Variants in PDE10A observed in about 807,000 individuals in gnomAD.
The protein encoded by PDE10A is phosphodiesterase 10A.
Under a neutral mutation model 97.7 loss-of-function variants are expected in PDE10A, and 39 were observed. The observed-to-expected ratio is 0.40, with a 90% confidence interval of 0.31 to 0.52. The LOEUF (loss-of-function observed/expected upper bound fraction) is 0.52, where lower values mean the gene tolerates loss of function less well. Ranked by LOEUF, PDE10A falls within the 20% of genes least tolerant of loss-of-function variation. PDE10A has a pLI of 0.56. For missense variants in PDE10A, 731 were observed against 1,047.8 expected (o/e 0.70, Z 4.17); for synonymous variants, 371 against 376.8 (o/e 0.98, Z 0.18).
At chr6:165,788,259 T>C (rs1778547303) in intron 1 of PDE10A, among the ~76,000 whole-genome samples, 1 of 151,868 alleles carries the variant, frequency 6.6e-6, no homozygotes, top group African/African-American at 2.4e-5. Flanking sequence ...GGCTCACACC[T>C]ATAATCCCAG....
At chr6:165,413,893 G>A (rs73788373) in intron 12 of PDE10A, among the ~76,000 whole-genome samples, 2 of 152,000 alleles carry the variant, frequency 1.3e-5, no homozygotes, top group Non-Finnish European at 2.9e-5. Flanking sequence ...ATTCTAATCT[G>A]TTGGTTCTTT....
rs372516707 is a variant in PDE10A, at chr6:165,900,030, C to T, written c.-615+87499G>A. The stretch of plus-strand genomic sequence containing the variant: ...AGGAGCCAAGGAGGCCATGAGGCCA[C>T]GGGAGGCAAGCAGGACTCCCACAGG... On this transcript the variant is annotated intron_variant, in intron 1 of 19. Coordinates refer to the PDE10A transcript ENST00000366882. Among the ~76,000 whole-genome samples, 210 of 152,282 alleles carry T rather than the reference C, an allele frequency of 1.4e-3. 2 individuals are homozygous for T. The highest frequency in any genetic ancestry group is 4.8e-3 in the African/African-American group (201 of 41,572).
At chr6:165,588,141 T>TA (rs1313407904) in intron 1 of PDE10A, among the ~76,000 whole-genome samples, 1 of 152,162 alleles carries the variant, frequency 6.6e-6, no homozygotes, top group African/African-American at 2.4e-5. Flanking sequence ...TATATGTCTA[T>TA]ACCTTTCAAA....
At chr6:165,949,711 A>T (rs894286238) in intron 1 of PDE10A, 3 of 152,226 alleles carry the variant, frequency 2.0e-5, no homozygotes, top group African/African-American at 7.2e-5. Flanking sequence ...TGCAGGTTAC[A>T]TAATGAGGTG....
chr6:165,560,262 C>T (rs1488421604), intron 1 of PDE10A, among the ~76,000 whole-genome samples: 4 of 152,128 alleles, frequency 2.6e-5, no homozygotes, highest in Non-Finnish European at 5.9e-5. Context: ...GATGGAGAGC[C>T]ATATGCTAAG....
At chr6:165,478,355 G>A (rs1034415862) in intron 3 of PDE10A, among the ~76,000 whole-genome samples, 1 of 152,086 alleles carries the variant, frequency 6.6e-6, no homozygotes, top group Non-Finnish European at 1.5e-5. Flanking sequence ...TGTCCTCTTA[G>A]CCAAGGGCAT....
Position 165,671,596 on chromosome 6 carries a change from G to C in PDE10A, c.-614-128028C>G, listed in dbSNP as rs557193151. On this transcript the variant is annotated intron_variant, in intron 1 of 19. Coordinates refer to the PDE10A transcript ENST00000366882. This position sits in a 1 kb window ranked among gnomAD's most constrained non-coding sequence, Gnocchi z 4.6. ...AATTAATTCACTTCCATCACTACTC[G>C]TAGAAGCCCTTAGAGGCAGCTTTAA... Among the ~76,000 whole-genome samples the C allele has an allele frequency of 1.3e-5, 2 of 152,074 alleles. No individual in the cohort carries two copies. The highest frequency in any genetic ancestry group is 2.9e-5 in the Non-Finnish European group (2 of 68,028).
intron 1 of PDE10A, among the ~76,000 whole-genome samples, chr6:165,925,971 G>A (rs1360675849): frequency 1.3e-5 from 2 of 152,104 alleles, no homozygotes; most frequent in Non-Finnish European, 2.9e-5. Context: ...GCTGCCATTG[G>A]GGGGAACTGC....
intron 18 of PDE10A, among the ~76,000 whole-genome samples, chr6:165,356,290 G>A (rs1783022946): frequency 6.6e-6 from 1 of 151,942 alleles, no homozygotes; most frequent in African/African-American, 2.4e-5. Context: ...CATTCTAGTG[G>A]GTGCATAATG....
At chr6:165,716,205 G>A (rs542789257) in intron 1 of PDE10A, among the ~76,000 whole-genome samples, 4 of 152,272 alleles carry the variant, frequency 2.6e-5, no homozygotes, top group South Asian at 4.1e-4. Context: ...TCTGGGTTCC[G>A]AGTCTCCACA....
intron 1 of PDE10A, among the ~76,000 whole-genome samples, chr6:165,637,838 G>T (rs1398514780): frequency 6.6e-6 from 1 of 152,134 alleles, no homozygotes; most frequent in Non-Finnish European, 1.5e-5. Context: ...AGGGCAGAAC[G>T]CCAAAGCAGA....
intron 2 of PDE10A, among the ~76,000 whole-genome samples, chr6:165,529,654 CCTTTT>C (rs1455830482): frequency 2.6e-5 from 4 of 152,130 alleles, no homozygotes; most frequent in Non-Finnish European, 4.4e-5. Flanking sequence ...ATCTTTATTT[CCTTTT>C]CTTTTATCAT....
intron 1 of PDE10A, among the ~76,000 whole-genome samples, chr6:165,686,972 G>A (rs1050168593): frequency 1.3e-5 from 2 of 152,284 alleles, no homozygotes; most frequent in South Asian, 2.1e-4. Context: ...AATTATACTA[G>A]CTAAAACAAT....
chr6:165,557,309 A>G (rs529488439), intron 1 of PDE10A, among the ~76,000 whole-genome samples: 1 of 151,962 alleles, frequency 6.6e-6, no homozygotes, highest in South Asian at 2.1e-4. Context: ...GAGACCAAAG[A>G]AAGAGACTTA....
intron 1 of PDE10A, among the ~76,000 whole-genome samples, chr6:165,569,134 T>G (rs1784928381): frequency 6.6e-6 from 1 of 152,202 alleles, no homozygotes; most frequent in Non-Finnish European, 1.5e-5. Context: ...TTAAGTCCAT[T>G]TTATTATTAA....
chr6:165,901,060 G>A (rs1340402252), intron 1 of PDE10A, among the ~76,000 whole-genome samples: 1 of 152,150 alleles, frequency 6.6e-6, no homozygotes, highest in Non-Finnish European at 1.5e-5. Context: ...ACAGCAGCAC[G>A]TTCCACCTCG....
At chr6:165,700,492 T>C (rs939598169) in intron 1 of PDE10A, among the ~76,000 whole-genome samples, 1 of 152,242 alleles carries the variant, frequency 6.6e-6, no homozygotes, top group Non-Finnish European at 1.5e-5. Context: ...TAAATCTTTT[T>C]TTCAAAAATG....
chr6:165,884,979 T>C (rs1328020999), intron 1 of PDE10A, among the ~76,000 whole-genome samples: 2 of 152,162 alleles, frequency 1.3e-5, no homozygotes, highest in East Asian at 3.9e-4. Flanking sequence ...TGGGTTTAAT[T>C]ACTGAATTCC....
At chr6:165,689,943 A>G (rs1791226377) in intron 1 of PDE10A, among the ~76,000 whole-genome samples, 1 of 152,296 alleles carries the variant, frequency 6.6e-6, no homozygotes, top group Non-Finnish European at 1.5e-5. Context: ...TCCGTGAGTC[A>G]CTCATAGCTT....
Sources: allele counts gnomAD v4.1 joint callset (sites outside exome capture counted in the v4.1 genomes callset), GRCh38; gene constraint gnomAD v4.1.1; non-coding constraint Gnocchi (gnomAD v3.1); transcripts MANE v1.5; gene names NCBI Gene and HGNC (gene_info 2026-07-23, HGNC 2026-07-21).